Variants in CBARP observed in about 807,000 individuals in gnomAD.
The protein encoded by CBARP is voltage-dependent calcium channel beta subunit-associated regulatory protein.
A neutral mutation model predicts 36.3 loss-of-function variants in CBARP; 24 were observed. That is an observed-to-expected ratio of 0.66 (90% CI 0.48 to 0.93). CBARP has a LOEUF of 0.93. Ranked by LOEUF, CBARP falls within the 40% of genes least tolerant of loss-of-function variation. The probability of loss-of-function intolerance (pLI) is 0.00; values close to 1 mark genes in which losing one functional copy is unlikely to be tolerated. For missense variants in CBARP, 1,146 were observed against 980.4 expected (o/e 1.17, Z -2.26); for synonymous variants, 586 against 453.2 (o/e 1.29, Z -3.72).
At position 1,234,227 on chromosome 19, in the gene CBARP, G is replaced by A. The variant is rs1310583860; in HGVS notation, c.732C>T (p.Ser244=). ...CCCCAGAGTCGCTAGATGCCGAGGG[G>A]CTGATCTCTGCGAAGTCAGTGGCGC... ...AAGATDFAEI[S]PSASSDSGEG... is the part of the protein sequence containing the mutation. The change falls in exon 7 of 10, where the codon AGC becomes AGT. Residue 244 remains serine, a synonymous_variant. Transcript: ENST00000650044. 1 of 1,514,026 alleles carries A rather than the reference G, an allele frequency of 6.6e-7. No individual in the cohort carries two copies. The highest frequency in any genetic ancestry group is 1.3e-5 in the South Asian group (1 of 75,978). 93.8% of individuals were successfully genotyped at this position (1,514,026 alleles called of 1,614,324 possible).
chr19:1,232,447 G>A (rs1008202067), intron 8 of CBARP, among the ~76,000 whole-genome samples: 4 of 152,110 alleles, frequency 2.6e-5, no homozygotes, highest in South Asian at 2.1e-4. Context: ...CTCACCTGAC[G>A]ACAGGACCTG....
rs2080920080 is a variant in CBARP at position 1,233,457 on chromosome 19, G to A, written c.948C>T (p.Pro316=). 6 of 1,599,386 alleles carry A rather than the reference G, an allele frequency of 3.8e-6. No homozygotes were observed. Among genetic ancestry groups the A allele is most frequent in the South Asian group, 1.1e-5 (1 of 89,234 alleles). Residue 316 remains proline, a synonymous_variant, in exon 8 of 10, where the codon CCC becomes CCT. Transcript: ENST00000650044. ...YFKVKKWKLE[P]SQRAASLDTR... Reference sequence around the variant, plus strand: ...TGTCCAGACTGGCTGCCCGCTGGCTGGGCTCCAGCTTCCACTTCTTGACCT... The same window carrying A: ...TGTCCAGACTGGCTGCCCGCTGGCTAGGCTCCAGCTTCCACTTCTTGACCT...
chr19:1,234,101 A>G, intron 7 of CBARP, 90 bp downstream of exon 7: 1 of 1,375,492 alleles, frequency 7.3e-7, no homozygotes, highest in African/African-American at 1.5e-5. Context: ...CTGGCAGGTC[A>G]TAGGTTGACC....
chr19:1,235,822 G>T lies in CBARP; in HGVS notation c.202C>A (p.Leu68Ile). 6.2e-7 allele frequency: 1 copy of T among 1,610,488 alleles called. No individual in the cohort carries two copies. Among genetic ancestry groups the T allele is most frequent in the East Asian group, 2.2e-5 (1 of 44,888 alleles). ...ACGTCCCAGCAGCGCTTGCAGAGGAGCAGGACGCCAGACAACACCACCAGC... is the reference window on the plus strand; with the variant it reads ...ACGTCCCAGCAGCGCTTGCAGAGGATCAGGACGCCAGACAACACCACCAGC... Reference protein sequence around the residue: ...GTLVVLSGVLLLCKRCWDVHQ... With the variant: ...GTLVVLSGVLILCKRCWDVHQ... Residue 68 changes from leucine to isoleucine, a missense_variant, in exon 3 of 10, where the codon CTC (leucine) becomes ATC (isoleucine). Transcript: ENST00000650044.
rs201213804 is a variant in CBARP, at chr19:1,235,458, G to A, written c.310+43C>T. ...AGGGGGCGGCGGGTGGCCGAGGGGC[G>A]GATGGACAGGCGAGCGCACAGCCAG... On this transcript the variant is annotated intron_variant, in intron 4 of 9. Coordinates refer to ENST00000650044, the MANE Select transcript of CBARP (RefSeq NM_001393918.1). 117 of 1,528,910 alleles carry A rather than the reference G, an allele frequency of 7.7e-5. No homozygotes were observed. The Admixed American group carries it at 1.3e-3, about 17-fold the overall frequency. The allele number at this position is 1,528,910 out of a possible 1,614,324, so 94.7% of individuals were successfully genotyped here. A position where few individuals can be genotyped will look rare whatever the true frequency, so the allele number is the denominator to read the frequency against.
rs1457796824 is a variant in CBARP, at chr19:1,229,252, A to C, written c.2045T>G (p.Leu682Arg). 8.1e-7 allele frequency: 1 copy of C among 1,241,982 alleles called. No homozygotes were observed. Among genetic ancestry groups the C allele is most frequent in the African/African-American group, 1.6e-5 (1 of 61,224 alleles). The allele number at this position is 1,241,982 out of a possible 1,614,324, so 76.9% of individuals were successfully genotyped here. The change falls in exon 10 of 10, where the codon CTC (leucine) becomes CGC (arginine). Residue 682 changes from leucine (L) to arginine (R), a missense_variant. Leu to Arg is a moderately radical substitution (Grantham distance 102). Coordinates refer to ENST00000650044, the MANE Select transcript of CBARP (RefSeq NM_001393918.1). This position sits in a 1 kb window ranked among gnomAD's most constrained non-coding sequence, Gnocchi z 5.1. ...GGGAGTCGCCACGACGGGCTCGGCG[A>C]GGCGCGGCGGAAAGAGTCTCTCGTC... The part of the protein sequence containing the change: ...GLDERLFPPR[L>R]AEPVVATPAL...
intron 8 of CBARP, 65 bp from the exon 9 acceptor site, chr19:1,231,340 G>C (rs561580336): frequency 5.9e-5 from 90 of 1,532,498 alleles, no homozygotes; most frequent in Non-Finnish European, 6.8e-5. Flanking sequence ...CACACACACA[G>C]AATGCCTATG....
rs114112602 is a variant in CBARP at position 1,234,382 on chromosome 19, T to G, written c.628-51A>C. 1,104 of 1,438,256 alleles carry G rather than the reference T, an allele frequency of 7.7e-4. 7 individuals are homozygous for G. In the African/African-American group the frequency reaches 0.015, roughly 19 times the overall value. 89.1% of individuals were successfully genotyped at this position (1,438,256 alleles called of 1,614,324 possible). On this transcript the variant is annotated intron_variant, in intron 6 of 9. Coordinates refer to ENST00000650044, the MANE Select transcript of CBARP (RefSeq NM_001393918.1). ...GGAAGCAGTGACAGGTCAAAGAGCATGGGTGGGTGAGGGACATGGGCAGGT... is the reference window on the plus strand; with the variant it reads ...GGAAGCAGTGACAGGTCAAAGAGCAGGGGTGGGTGAGGGACATGGGCAGGT...
rs781132805 is a variant in CBARP, at chr19:1,234,869, G to A, written c.456-127C>T. On this transcript the variant is annotated intron_variant, in intron 5 of 9. Coordinates refer to ENST00000650044, the MANE Select transcript of CBARP (RefSeq NM_001393918.1). ...GAAAGGGGGGCAACTGGCCAAGGCCGCCCCACCCCACGGTCCCAGTCCAGG... is the reference window on the plus strand; with the variant it reads ...GAAAGGGGGGCAACTGGCCAAGGCCACCCCACCCCACGGTCCCAGTCCAGG... 8.3e-5 allele frequency: 125 copies of A among 1,497,432 alleles called. 1 individual carries two copies. The highest frequency in any genetic ancestry group is 4.9e-4 in the Admixed American group (24 of 49,402). 92.8% of individuals were successfully genotyped at this position (1,497,432 alleles called of 1,614,324 possible). A position where few individuals can be genotyped will look rare whatever the true frequency, so the allele number is the denominator to read the frequency against.
Position 1,229,700 on chromosome 19 carries a change from G to A in CBARP, c.1597C>T (p.Pro533Ser), listed in dbSNP as rs2080864254. The change falls in exon 10 of 10, where the codon CCC becomes TCC. Residue 533 changes from proline (P) to serine (S), a missense_variant. Transcript: ENST00000650044. The surrounding 1 kb of genome is among the most constrained non-coding windows in gnomAD (Gnocchi z 5.1). ...PARPRSPRAW[P>S]RRPRRDYSID... ...CTGTAGTCGCGGCGCGGGCGGCGGG[G>A]CCAGGCGCGCGGGCTGCGGGGCCGG... is the stretch of plus-strand genomic sequence containing the variant. 2.0e-6 allele frequency: 2 copies of A among 1,020,886 alleles called. No homozygotes were observed. Among genetic ancestry groups the A allele is most frequent in the Non-Finnish European group, 2.4e-6 (2 of 847,966 alleles). 63.2% of individuals were successfully genotyped at this position (1,020,886 alleles called of 1,614,324 possible). A position where few individuals can be genotyped will look rare whatever the true frequency, so the allele number is the denominator to read the frequency against.
chr19:1,231,298 G>A (rs766759745), intron 8 of CBARP, 23 bp from the exon 9 acceptor site: 7 of 1,592,290 alleles, frequency 4.4e-6, no homozygotes, highest in Non-Finnish European at 6.0e-6. Flanking sequence ...TGTGCCGTAA[G>A]CGTCAGCCGG....
In CBARP at chr19:1,235,514, G is replaced by C; in HGVS notation, c.297C>G (p.Thr99=). The C allele has an allele frequency of 6.3e-7, 1 of 1,599,432 alleles. No individual in the cohort carries two copies. The highest frequency in any genetic ancestry group is 1.8e-5 in the Admixed American group (1 of 57,088). ...KTTTTYLDNG[T]HPAQDPDFRG... ...CCAGCACCTCACCTTGGGCTGGGTG[G>C]GTGCCGTTGTCCAGGTAGGTGGTGG... The change falls in exon 4 of 10, where the codon ACC becomes ACG. Residue 99 remains threonine, a synonymous_variant. Transcript: ENST00000650044.
chr19:1,231,382 C>T (rs1451624782), intron 8 of CBARP, 107 bp from the exon 9 acceptor site: 262 of 1,376,004 alleles, frequency 1.9e-4, no homozygotes, highest in Non-Finnish European at 2.5e-4. Flanking sequence ...ATGCCTGTGC[C>T]CCCCCGCCAC....
chr19:1,236,088 C>T lies in CBARP; in HGVS notation c.13G>A (p.Ala5Thr), dbSNP rs769159532. MQPTATMATAATTTT... is the reference protein window; with the variant it reads MQPTTTMATAATTTT... Reference sequence around the variant, plus strand: ...GTGGTGGCGGCTGTGGCCATGGTGGCTGTGGGCTGCATTCTGAACTGGGGA... The same window carrying T: ...GTGGTGGCGGCTGTGGCCATGGTGGTTGTGGGCTGCATTCTGAACTGGGGA... The change falls in exon 2 of 10, where the codon GCC becomes ACC. Residue 5 changes from alanine (A) to threonine (T), a missense_variant. Physicochemically the swap from Ala to Thr is moderately conservative, Grantham distance 58. Transcript: ENST00000650044. The T allele has an allele frequency of 2.0e-6, 3 of 1,481,288 alleles. No individual in the cohort carries two copies. The Admixed American group carries it at 7.2e-5, about 36-fold the overall frequency. 91.8% of individuals were successfully genotyped at this position (1,481,288 alleles called of 1,614,324 possible). A position where few individuals can be genotyped will look rare whatever the true frequency, so the allele number is the denominator to read the frequency against.
chr19:1,238,454 C>G (rs1442534051), upstream of CBARP: 3 of 152,136 alleles, frequency 2.0e-5, no homozygotes, highest in African/African-American at 7.3e-5. Flanking sequence ...GCCCCCTCCC[C>G]TGTGTGACAG....
intron 1 of CBARP, among the ~76,000 whole-genome samples, chr19:1,236,663 C>T (rs1160656132): frequency 6.6e-6 from 1 of 152,010 alleles, no homozygotes. Context: ...GGCGCGTGCT[C>T]CCGGGTCACG....
At position 1,230,849 on chromosome 19, in the gene CBARP, C is replaced by T. The variant is rs112943778; in HGVS notation, c.1154+252G>A. 8,885 of 1,494,058 alleles carry T rather than the reference C, an allele frequency of 5.9e-3. 450 individuals are homozygous for T. The African/African-American group carries it at 0.11, about 18-fold the overall frequency. The allele number at this position is 1,494,058 out of a possible 1,614,324, so 92.6% of individuals were successfully genotyped here. A position where few individuals can be genotyped will look rare whatever the true frequency, so the allele number is the denominator to read the frequency against. ...CTCCACCAGCAAGCAGCAGTACCAG[C>T]GCCATCCTCGGGGGGCCCCTCCTCC... On this transcript the variant is annotated intron_variant, in intron 9 of 9. Coordinates refer to ENST00000650044, the MANE Select transcript of CBARP (RefSeq NM_001393918.1).
At chr19:1,237,416 G>A (rs1002613226) in intron 1 of CBARP, among the ~76,000 whole-genome samples, 6 of 152,156 alleles carry the variant, frequency 3.9e-5, no homozygotes, top group African/African-American at 1.4e-4. Flanking sequence ...GGAGGCGGCT[G>A]CGGGAGCCGA....
chr19:1,232,110 C>T (rs2080902158), intron 8 of CBARP, among the ~76,000 whole-genome samples: 1 of 152,110 alleles, frequency 6.6e-6, no homozygotes, highest in South Asian at 2.1e-4. Flanking sequence ...CCTCGGCCCC[C>T]TTCTCCCAAC....
Sources: gnomAD v4.1 joint callset for allele counts (sites outside exome capture counted in the v4.1 genomes callset) on GRCh38, gnomAD v4.1.1 for gene constraint, Gnocchi (gnomAD v3.1) non-coding constraint, MANE v1.5 for transcripts, NCBI Gene and HGNC (gene_info 2026-07-23, HGNC 2026-07-21) for gene names.